The following STARD13 variants were observed in gnomAD, a reference collection of about 807,000 sequenced individuals.
The protein encoded by STARD13 is StAR related lipid transfer domain containing 13, also known as stAR-related lipid transfer protein 13.
Under a neutral mutation model 106.4 loss-of-function variants are expected in STARD13, and 62 were observed. That is an observed-to-expected ratio of 0.58 (90% confidence interval 0.48 to 0.72). The LOEUF (loss-of-function observed/expected upper bound fraction) is 0.72. Among genes scored for constraint, STARD13 ranks in the 30% least tolerant of loss-of-function variants. STARD13 has a pLI of 0.00. For missense variants in STARD13, 1,387 were observed against 1,424.0 expected (o/e 0.97, Z 0.42); for synonymous variants, 565 against 553.0 (o/e 1.02, Z -0.31).
At chr13:33,667,096 T>C in the STARD13 span, among the ~76,000 whole-genome samples, 1 of 152,248 alleles carries the variant, frequency 6.6e-6, no homozygotes, top group African/African-American at 2.4e-5. Flanking sequence ...AAATGTATTA[T>C]TAACCACATA....
the STARD13 span, among the ~76,000 whole-genome samples, chr13:33,643,086 A>G: frequency 6.6e-6 from 1 of 151,878 alleles, no homozygotes; most frequent in Non-Finnish European, 1.5e-5. Context: ...CATGTATAAT[A>G]CGAAATGCAT....
the STARD13 span, among the ~76,000 whole-genome samples, chr13:33,583,790 A>T: frequency 6.6e-6 from 1 of 152,014 alleles, no homozygotes; most frequent in Non-Finnish European, 1.5e-5. Context: ...CATGACCAAT[A>T]CTAATCATCA....
At chr13:33,448,790 T>C in the STARD13 span, among the ~76,000 whole-genome samples, 2 of 152,178 alleles carry the variant, frequency 1.3e-5, no homozygotes. Context: ...CTTTTGATAA[T>C]AGTCATTCTA....
chr13:33,224,486 C>G (rs886115741), intron 1 of STARD13, among the ~76,000 whole-genome samples: 4 of 152,198 alleles, frequency 2.6e-5, no homozygotes, highest in African/African-American at 9.7e-5. Flanking sequence ...ATTACTCCCT[C>G]AAGGACACAG....
intron 1 of STARD13, among the ~76,000 whole-genome samples, chr13:33,242,185 C>T (rs993472820): frequency 2.0e-5 from 3 of 152,126 alleles, no homozygotes; most frequent in African/African-American, 7.2e-5. Flanking sequence ...CCCCTCCGCC[C>T]AGCAGCCGCC....
chr13:33,129,672 C>A lies in STARD13; in HGVS notation c.1005G>T (p.Pro335=), dbSNP rs746182456. ...CSGKSSGESS[P]SEHSSSGVST... is the part of the protein sequence containing the mutation. Reference sequence around the variant, plus strand: ...TCACCCCGCTGCTGCTGTGCTCCGACGGGCTGCTCTCGCCACTCGACTTGC... The same window carrying A: ...TCACCCCGCTGCTGCTGTGCTCCGAAGGGCTGCTCTCGCCACTCGACTTGC... The change falls in exon 5 of 14, where the codon CCG becomes CCT. Residue 335 remains proline (P), a synonymous_variant. Coordinates refer to ENST00000336934, the MANE Select transcript of STARD13 (RefSeq NM_178006.4). The A allele has an allele frequency of 1.4e-5, 23 of 1,614,020 alleles. No individual in the cohort carries two copies. The South Asian group carries it at 2.3e-4, about 16-fold the overall frequency.
the STARD13 span, among the ~76,000 whole-genome samples, chr13:33,473,159 G>A: frequency 2.0e-5 from 3 of 152,056 alleles, no homozygotes; most frequent in African/African-American, 7.2e-5. Context: ...AGACACAGGA[G>A]ATACAAAAAA....
chr13:33,253,137 T>C (rs1331259679), intron 1 of STARD13, among the ~76,000 whole-genome samples: 1 of 152,200 alleles, frequency 6.6e-6, no homozygotes, highest in Non-Finnish European at 1.5e-5. Context: ...TGTGTGTTCT[T>C]TGCCTACCAT....
At chr13:33,599,560 C>A in the STARD13 span, among the ~76,000 whole-genome samples, 1 of 152,118 alleles carries the variant, frequency 6.6e-6, no homozygotes, top group Admixed American at 6.5e-5. Context: ...TTGGAAGGCA[C>A]CTTGGACAAA....
intron 1 of STARD13, 107 bp downstream of exon 1, chr13:33,285,363 C>T: frequency 8.2e-7 from 1 of 1,216,652 alleles, no homozygotes; most frequent in Non-Finnish European, 1.2e-6. Context: ...GCATAGAAAT[C>T]CATATGTTAT....
chr13:33,509,253 A>C, the STARD13 span, among the ~76,000 whole-genome samples: 2 of 152,180 alleles, frequency 1.3e-5, no homozygotes, highest in African/African-American at 4.8e-5. Context: ...AGAAGGAAAG[A>C]GGAAAAGGGA....
the STARD13 span, among the ~76,000 whole-genome samples, chr13:33,580,954 G>A: frequency 1.3e-5 from 2 of 152,090 alleles, no homozygotes; most frequent in South Asian, 2.1e-4. Flanking sequence ...TCTTACAAAA[G>A]TATAGTTTCA....
the STARD13 span, among the ~76,000 whole-genome samples, chr13:33,592,733 A>G: frequency 1.3e-5 from 2 of 152,248 alleles, no homozygotes; most frequent in African/African-American, 4.8e-5. Flanking sequence ...ATTTTCTGAC[A>G]CAAGCATACA....
chr13:33,565,703 C>A, the STARD13 span, among the ~76,000 whole-genome samples: 5 of 147,832 alleles, frequency 3.4e-5, no homozygotes, highest in East Asian at 1.0e-3. Context: ...ACGCTGCCTC[C>A]AAACAGGTAA....
chr13:33,459,433 G>A, the STARD13 span, among the ~76,000 whole-genome samples: 2 of 152,116 alleles, frequency 1.3e-5, no homozygotes, highest in Admixed American at 6.6e-5. Flanking sequence ...TGTATAATTA[G>A]TTTGTTCTTC....
chr13:33,368,183 A>G, the STARD13 span, among the ~76,000 whole-genome samples: 5 of 152,130 alleles, frequency 3.3e-5, no homozygotes, highest in Admixed American at 2.6e-4. Flanking sequence ...ACTCTTTGCA[A>G]TGTGTCCCGA....
intron 3 of STARD13, among the ~76,000 whole-genome samples, chr13:33,151,140 A>AG (rs1330013424): frequency 6.6e-6 from 1 of 152,004 alleles, no homozygotes. Flanking sequence ...TACAGGAAAA[A>AG]AAAATAGGCA....
At chr13:33,530,365 G>T in the STARD13 span, among the ~76,000 whole-genome samples, 1 of 152,086 alleles carries the variant, frequency 6.6e-6, no homozygotes, top group Non-Finnish European at 1.5e-5. Context: ...GGCTTTTACA[G>T]TAATTATTTC....
chr13:33,658,602 A>G, the STARD13 span, among the ~76,000 whole-genome samples: 1 of 152,164 alleles, frequency 6.6e-6, no homozygotes, highest in Non-Finnish European at 1.5e-5. Context: ...TTTCATCCCA[A>G]TGGTCCTTCA....
Sources: gnomAD v4.1 joint callset for allele counts (sites outside exome capture counted in the v4.1 genomes callset) on GRCh38, gnomAD v4.1.1 for gene constraint, MANE v1.5 for transcripts, NCBI Gene and HGNC (gene_info 2026-07-23, HGNC 2026-07-21) for gene names.